NDRG2: variants seen among roughly 807,000 people sequenced by gnomAD.
The protein encoded by NDRG2 is NDRG family member 2, also known as protein NDRG2.
In NDRG2, 34 loss-of-function variants were observed where a neutral mutation model predicts 58.2. The ratio of observed to expected loss-of-function variants is 0.58; its 90% confidence interval spans 0.44 to 0.78. The LOEUF (loss-of-function observed/expected upper bound fraction) is 0.78, where lower values mean the gene tolerates loss of function less well. Ranked by LOEUF, NDRG2 falls within the 30% of genes least tolerant of loss-of-function variation. The probability of loss-of-function intolerance (pLI) is 0.00; values close to 1 mark genes in which losing one functional copy is unlikely to be tolerated. For missense variants in NDRG2, 434 were observed against 471.2 expected (o/e 0.92, Z 0.73); for synonymous variants, 187 against 175.9 (o/e 1.06, Z -0.50).
At chr14:21,020,663 C>G in intron 7 of NDRG2, 81 bp from the exon 8 acceptor site, 1 of 1,575,954 alleles carries the variant, frequency 6.3e-7, no homozygotes. Context: ...CACTCCTGGA[C>G]TCCCACAGGG....
chr14:21,021,080 T>C, intron 6 of NDRG2: 1 of 655,464 alleles, frequency 1.5e-6, no homozygotes, highest in Non-Finnish European at 2.8e-6. Flanking sequence ...AGCTAGTGTC[T>C]TAAAAACAAA....
Position 21,070,369 on chromosome 14 carries a change from A to C in NDRG2, c.24+459T>G. Reference sequence around the variant, plus strand: ...GCGCCCGGCCCCGCCCGCCCGACCAAGCGTCGGACGCGGCCCGGCGCCGAG... The same window carrying C: ...GCGCCCGGCCCCGCCCGCCCGACCACGCGTCGGACGCGGCCCGGCGCCGAG... On this transcript the variant is annotated intron_variant, in intron 1 of 14. Transcript: ENST00000403829. This position sits in a 1 kb window ranked among gnomAD's most constrained non-coding sequence, Gnocchi z 4.7. The C allele has an allele frequency of 7.1e-7, 1 of 1,408,478 alleles. No individual in the cohort carries two copies. Among genetic ancestry groups the C allele is most frequent in the South Asian group, 1.5e-5 (1 of 65,802 alleles). 87.2% of individuals were successfully genotyped at this position (1,408,478 alleles called of 1,614,324 possible).
intron 1 of NDRG2, among the ~76,000 whole-genome samples, chr14:21,052,329 G>A (rs139301137): frequency 9.3e-4 from 141 of 152,274 alleles, no homozygotes; most frequent in African/African-American, 3.3e-3. Flanking sequence ...GAGTTAAATA[G>A]CAAAACAAGG....
chr14:21,058,760 TAAGG>T (rs949585391), intron 1 of NDRG2, among the ~76,000 whole-genome samples: 2 of 152,178 alleles, frequency 1.3e-5, no homozygotes, highest in Admixed American at 6.5e-5. Flanking sequence ...GGTAATTATC[TAAGG>T]AAGGAAGGAA....
Position 21,024,190 on chromosome 14 carries a change from G to T in NDRG2, c.-167C>A. The T allele has an allele frequency of 2.0e-6, 2 of 985,416 alleles. No individual in the cohort carries two copies. The highest frequency in any genetic ancestry group is 2.4e-6 in the Non-Finnish European group (2 of 829,988). The allele number at this position is 985,416 out of a possible 1,614,324, so 61.0% of individuals were successfully genotyped here. A position where few individuals can be genotyped will look rare whatever the true frequency, so the allele number is the denominator to read the frequency against. ...CTCAGCCAAGACCCAGACTCCCAGGGTCATCAACCTCCTCGGGTCACTAAC... is the reference window on the plus strand; with the variant it reads ...CTCAGCCAAGACCCAGACTCCCAGGTTCATCAACCTCCTCGGGTCACTAAC... On this transcript the variant is annotated 5_prime_UTR_variant, in exon 1 of 16. Coordinates refer to ENST00000556147, the MANE Select transcript of NDRG2 (RefSeq NM_001320329.2).
upstream of NDRG2, among the ~76,000 whole-genome samples, chr14:21,026,988 G>A (rs964762750): frequency 3.5e-4 from 54 of 152,140 alleles, no homozygotes; most frequent in Non-Finnish European, 6.6e-4. Context: ...GTCAAAAGTC[G>A]TCTTACTTGG....
upstream of NDRG2, chr14:21,029,026 A>G (rs138022951): frequency 9.9e-4 from 151 of 152,370 alleles, 2 homozygotes; most frequent in African/African-American, 3.2e-3. Flanking sequence ...TTTGACCTGC[A>G]TAGAAACTTA....
At position 21,043,041 on chromosome 14, in the gene NDRG2, C is replaced by T. The variant is rs764550182; in HGVS notation, c.25-19720G>A. The stretch of plus-strand genomic sequence containing the variant: ...CTGCCCCCTTCTGCTGCTTCTGCTG[C>T]TGGGGCTGTGGGTGGCAGAGATCCC... On this transcript the variant is annotated intron_variant, in intron 1 of 14. Coordinates refer to the NDRG2 transcript ENST00000403829. 1.2e-5 allele frequency: 20 copies of T among 1,614,170 alleles called. No individual in the cohort carries two copies. The South Asian group carries it at 2.0e-4, about 16-fold the overall frequency.
Position 21,070,775 on chromosome 14 carries a change from G to T in NDRG2, c.24+53C>A. 6.5e-7 allele frequency: 1 copy of T among 1,528,718 alleles called. No individual in the cohort carries two copies. The highest frequency in any genetic ancestry group is 8.8e-7 in the Non-Finnish European group (1 of 1,141,082). The allele number at this position is 1,528,718 out of a possible 1,614,324, so 94.7% of individuals were successfully genotyped here. A position where few individuals can be genotyped will look rare whatever the true frequency, so the allele number is the denominator to read the frequency against. ...TACCCGCGGGAGACCCCTGCGGGTT[G>T]GTCCTGCAGCGACCCTGGAAGAGGC... On this transcript the variant is annotated intron_variant, in intron 1 of 14. Transcript: ENST00000403829. This position sits in a 1 kb window ranked among gnomAD's most constrained non-coding sequence, Gnocchi z 4.7.
chr14:21,069,077 G>A (rs1447021781), intron 1 of NDRG2, among the ~76,000 whole-genome samples: 1 of 152,196 alleles, frequency 6.6e-6, no homozygotes, highest in African/African-American at 2.4e-5. Context: ...TCGGCTTTCC[G>A]ATCTCCTCTC....
upstream of NDRG2, among the ~76,000 whole-genome samples, chr14:21,027,772 A>G (rs1171404188): frequency 7.9e-5 from 12 of 152,228 alleles, no homozygotes. Flanking sequence ...TGTGGCCCAC[A>G]GTCTAGAAAT....
In NDRG2 at chr14:21,019,171, G is replaced by A. The variant is rs1355316992; in HGVS notation, c.717-11C>T. The A allele has an allele frequency of 1.2e-6, 2 of 1,608,868 alleles. No individual in the cohort carries two copies. Among genetic ancestry groups the A allele is most frequent in the East Asian group, 2.2e-5 (1 of 44,788 alleles). ...TTCAGGTCTCGGCGGCTAGAAAGGG[G>A]TTAAAAGAGTAGGAATTTTAGGTGG... is the stretch of plus-strand genomic sequence containing the variant. On this transcript the variant is annotated splice_polypyrimidine_tract_variant and intron_variant, in intron 10 of 15. Transcript: ENST00000556147.
Position 21,046,255 on chromosome 14 carries a change from G to A in NDRG2, c.25-22934C>T, listed in dbSNP as rs142145088. Among the ~76,000 whole-genome samples, 688 of 152,262 alleles carry A rather than the reference G, an allele frequency of 4.5e-3. 6 individuals carry two copies. The highest frequency in any genetic ancestry group is 0.016 in the African/African-American group (668 of 41,540). ...TACATTGGGCTCAGCCAGGCACAGTGGCTCTCACTTGTAATCCCAGCACTT... is the reference window on the plus strand; with the variant it reads ...TACATTGGGCTCAGCCAGGCACAGTAGCTCTCACTTGTAATCCCAGCACTT... On this transcript the variant is annotated intron_variant, in intron 1 of 14. Transcript: ENST00000403829.
At position 21,018,207 on chromosome 14, in the gene NDRG2, A is replaced by G; in HGVS notation, c.894T>C (p.Thr298=). Reference sequence around the variant, plus strand: ...CATGGACGGCAGCGGCACTCACCTGAGTCAGCTGGGGCTGACCTCCGGAGT... The same window carrying G: ...CATGGACGGCAGCGGCACTCACCTGGGTCAGCTGGGGCTGACCTCCGGAGT... The part of the protein sequence containing the change: ...MADSGGQPQL[T]QPGKLTEAFK... The change falls in exon 14 of 16, where the codon ACT becomes ACC. Residue 298 remains threonine (T), a synonymous_variant. Transcript: ENST00000556147. 6.2e-7 allele frequency: 1 copy of G among 1,613,794 alleles called. No individual in the cohort carries two copies.
Position 21,018,223 on chromosome 14 carries a change from C to T in NDRG2, c.878G>A (p.Gly293Asp). The T allele has an allele frequency of 1.2e-6, 2 of 1,613,798 alleles. No homozygotes were observed. The highest frequency in any genetic ancestry group is 4.5e-5 in the East Asian group (2 of 44,874). ...TSFLKMADSG[G>D]QPQLTQPGKL... ...ACTCACCTGAGTCAGCTGGGGCTGA[C>T]CTCCGGAGTCAGCCATCTGTTCAGG... The change falls in exon 14 of 16, where the codon GGT becomes GAT. Residue 293 changes from glycine (G) to aspartate (D), a missense_variant. Transcript: ENST00000556147.
intron 1 of NDRG2, among the ~76,000 whole-genome samples, chr14:21,046,555 A>C (rs907133650): frequency 6.6e-6 from 1 of 150,660 alleles, no homozygotes; most frequent in African/African-American, 2.5e-5. Flanking sequence ...ACATACATAC[A>C]TACATACATA....
chr14:21,046,165 TTGTTC>T (rs1885134733), intron 1 of NDRG2, among the ~76,000 whole-genome samples: 1 of 152,208 alleles, frequency 6.6e-6, no homozygotes, highest in African/African-American at 2.4e-5. Flanking sequence ...CTAATTTCTA[TTGTTC>T]TGTTCTGTAC....
chr14:21,057,232 C>T (rs1261053800), intron 1 of NDRG2, among the ~76,000 whole-genome samples: 4 of 152,082 alleles, frequency 2.6e-5, no homozygotes, highest in East Asian at 3.9e-4. Context: ...GTCAGGAGTT[C>T]AAGACCAGCC....
Position 21,018,785 on chromosome 14 carries a change from T to C in NDRG2, c.791A>G (p.Gln264Arg). The change falls in exon 12 of 16, where the codon CAA (glutamine) becomes CGA (arginine). Residue 264 changes from glutamine (Q) to arginine (R), a missense_variant. By Grantham distance (43) the Gln-to-Arg change is conservative. Coordinates refer to ENST00000556147, the MANE Select transcript of NDRG2 (RefSeq NM_001320329.2). ...RCPVMLVVGD[Q>R]APHEDAVVEC... is the part of the protein sequence containing the mutation. The stretch of plus-strand genomic sequence containing the variant: ...AACCACTGCATCTTCATGAGGTGCT[T>C]GGTCTCCTACCACCAGCATCACAGG... 6.2e-7 allele frequency: 1 copy of C among 1,614,148 alleles called. No individual in the cohort carries two copies. The highest frequency in any genetic ancestry group is 1.1e-5 in the South Asian group (1 of 91,086).
Sources: allele counts gnomAD v4.1 joint callset (sites outside exome capture counted in the v4.1 genomes callset), GRCh38; gene constraint gnomAD v4.1.1; non-coding constraint Gnocchi (gnomAD v3.1); transcripts MANE v1.5; gene names NCBI Gene and HGNC (gene_info 2026-07-23, HGNC 2026-07-21).